The following ADAMTS16 variants were observed in gnomAD, a reference collection of about 807,000 sequenced individuals.
The protein encoded by ADAMTS16 is ADAM metallopeptidase with thrombospondin type 1 motif 16, also known as A disintegrin and metalloproteinase with thrombospondin motifs 16.
In ADAMTS16, 94 loss-of-function variants were observed where a neutral mutation model predicts 145.8. That is an observed-to-expected ratio of 0.64 (90% confidence interval 0.55 to 0.77). ADAMTS16 has a LOEUF of 0.77. ADAMTS16 is among the 30% of genes least tolerant of loss of function. ADAMTS16 has a pLI of 0.00. For synonymous variants in ADAMTS16, 659 were observed against 604.3 expected (o/e 1.09, Z -1.33); for missense variants, 1,585 against 1,591.5 (o/e 1.00, Z 0.07).
At chr5:5,178,841 A>G (rs942422772) in intron 3 of ADAMTS16, among the ~76,000 whole-genome samples, 6 of 152,068 alleles carry the variant, frequency 3.9e-5, no homozygotes, top group Non-Finnish European at 5.9e-5. Context: ...CGTGTAGGCC[A>G]GGAACCAGAA....
rs72647759 is a variant in ADAMTS16 at position 5,239,904 on chromosome 5, C to T, written c.2502C>T (p.Thr834=). The T allele has an allele frequency of 6.2e-7, 1 of 1,613,914 alleles. No individual in the cohort carries two copies. Among genetic ancestry groups the T allele is most frequent in the African/African-American group, 1.3e-5 (1 of 74,986 alleles). Residue 834 remains threonine (T), a synonymous_variant, in exon 16 of 23, where the codon ACC becomes ACT. Transcript: ENST00000274181. ...AGAACTTAATCGCTACTGGACCAAC[C>T]AACGAGACACTGATTGTGGAGGTAA... is the stretch of plus-strand genomic sequence containing the variant. ...EPENLIATGP[T]NETLIVELLF...
rs1258220921 is a variant in ADAMTS16 at position 5,320,126 on chromosome 5, G to A, written c.*988G>A. ...GAGTCTGGCCATTTCTATAATGCCA[G>A]GTGGGAAGCCAGGCTGCGGGTGTTA... On this transcript the variant is annotated 3_prime_UTR_variant, in exon 23 of 23. Coordinates refer to ENST00000274181, the MANE Select transcript of ADAMTS16 (RefSeq NM_139056.4). This position sits in a 1 kb window ranked among gnomAD's most constrained non-coding sequence, Gnocchi z 5.1. 6.3e-6 allele frequency: 2 copies of A among 318,668 alleles called. No homozygotes were observed. The highest frequency in any genetic ancestry group is 4.7e-5 in the African/African-American group (2 of 43,010). The allele number at this position is 318,668 out of a possible 1,614,324, so 19.7% of individuals were successfully genotyped here. A position where few individuals can be genotyped will look rare whatever the true frequency, so the allele number is the denominator to read the frequency against.
intron 10 of ADAMTS16, among the ~76,000 whole-genome samples, chr5:5,212,201 T>TTG (rs1553991178): frequency 1.8e-4 from 24 of 131,764 alleles, no homozygotes; most frequent in African/African-American, 6.0e-4. Flanking sequence ...TTTTTTTTGT[T>TTG]TTGTTTTGTT....
chr5:5,248,368 C>T lies in ADAMTS16; in HGVS notation c.2662+6177C>T, dbSNP rs73037166. Among the ~76,000 whole-genome samples, 1,108 of 152,312 alleles carry T rather than the reference C, an allele frequency of 7.3e-3. 14 individuals carry two copies. Among genetic ancestry groups the T allele is most frequent in the African/African-American group, 0.024 (1,012 of 41,570 alleles). The stretch of plus-strand genomic sequence containing the variant: ...GGTTTCTGAAAAAAGATGAAAGCAG[C>T]GCCCAAGCACATTGCTCATCAAACT... On this transcript the variant is annotated intron_variant, in intron 17 of 22. Transcript: ENST00000274181.
At chr5:5,187,998 G>T (rs370393357) in intron 6 of ADAMTS16, among the ~76,000 whole-genome samples, 190 bp downstream of exon 6, 26 of 152,206 alleles carry the variant, frequency 1.7e-4, no homozygotes, top group Admixed American at 3.9e-4. Flanking sequence ...TTTTTGTGGG[G>T]TTTTTTGTGC....
chr5:5,276,742 G>A (rs1236855529), intron 18 of ADAMTS16, among the ~76,000 whole-genome samples: 1 of 152,098 alleles, frequency 6.6e-6, no homozygotes, highest in Non-Finnish European at 1.5e-5. Context: ...GGTCAGCCAG[G>A]ACTGTTGAGC....
chr5:5,305,129 CCA>C (rs1436662804), intron 20 of ADAMTS16, among the ~76,000 whole-genome samples: 11 of 48,132 alleles, frequency 2.3e-4, no homozygotes, highest in East Asian at 8.5e-4. Flanking sequence ...ACACCCCACA[CCA>C]CACACACACA....
chr5:5,200,020 A>G (rs1054450772), intron 8 of ADAMTS16, 112 bp from the exon 9 acceptor site: 5 of 1,291,080 alleles, frequency 3.9e-6, no homozygotes, highest in Middle Eastern at 1.9e-4. Context: ...CCTGCCTAGC[A>G]TATAGGGGTG....
At chr5:5,272,110 C>T (rs750506409) in intron 18 of ADAMTS16, among the ~76,000 whole-genome samples, 4 of 152,124 alleles carry the variant, frequency 2.6e-5, no homozygotes, top group African/African-American at 4.8e-5. Flanking sequence ...CCCAGTAATG[C>T]ACCCGTTACC....
In ADAMTS16 at chr5:5,237,091, A is replaced by G; in HGVS notation, c.2146A>G (p.Ile716Val). 1.2e-6 allele frequency: 2 copies of G among 1,613,202 alleles called. No individual in the cohort carries two copies. Among genetic ancestry groups the G allele is most frequent in the Non-Finnish European group, 1.7e-6 (2 of 1,179,750 alleles). The change falls in exon 14 of 23, where the codon ATA (isoleucine) becomes GTA (valine). Residue 716 changes from isoleucine (I) to valine (V), a missense_variant. By Grantham distance (29) the Ile-to-Val change is conservative. Transcript: ENST00000274181. ...TAGCCGTAATGTTTGTATAGATGGG[A>G]TATGTGAGGTAATCATGATCCTTCA... ...EDSRNVCIDG[I>V]CERVGCDNVL...
chr5:5,217,972 G>C (rs1015638339), intron 10 of ADAMTS16, among the ~76,000 whole-genome samples: 2 of 152,156 alleles, frequency 1.3e-5, no homozygotes, highest in Non-Finnish European at 2.9e-5. Flanking sequence ...AGGTACTGTT[G>C]TTAAATTGGG....
intron 18 of ADAMTS16, among the ~76,000 whole-genome samples, chr5:5,267,804 G>T (rs1397102472): frequency 1.3e-5 from 2 of 152,158 alleles, no homozygotes; most frequent in African/African-American, 4.8e-5. Flanking sequence ...ATGGGCACAG[G>T]CCCGAGAGTG....
intron 4 of ADAMTS16, among the ~76,000 whole-genome samples, chr5:5,184,069 C>G (rs1203035506): frequency 1.3e-5 from 2 of 152,128 alleles, no homozygotes; most frequent in African/African-American, 4.8e-5. Flanking sequence ...CTCGAGTGGC[C>G]AGGGGCCATG....
intron 18 of ADAMTS16, among the ~76,000 whole-genome samples, chr5:5,296,246 A>G (rs1437609376): frequency 6.6e-6 from 1 of 152,188 alleles, no homozygotes; most frequent in Non-Finnish European, 1.5e-5. Context: ...TGCTGCAGAC[A>G]CAGTCTTCAA....
intron 18 of ADAMTS16, among the ~76,000 whole-genome samples, chr5:5,268,768 G>T (rs1380052794): frequency 6.6e-6 from 1 of 152,204 alleles, no homozygotes; most frequent in East Asian, 1.9e-4. Context: ...AGAGGCAGCT[G>T]CTCCTTCCTC....
intron 4 of ADAMTS16, 119 bp downstream of exon 4, chr5:5,182,424 G>A (rs754961684): frequency 3.0e-5 from 39 of 1,315,048 alleles, no homozygotes; most frequent in South Asian, 8.9e-5. Context: ...ATGGACTGTC[G>A]TTGCTAAACT....
chr5:5,216,374 AT>A (rs140020275), intron 10 of ADAMTS16, among the ~76,000 whole-genome samples: 3,134 of 147,024 alleles, frequency 0.021, 109 homozygotes, highest in African/African-American at 0.071. Flanking sequence ...TCCTTAGCCC[AT>A]TTTTTTTTTC....
chr5:5,317,618 G>A lies in ADAMTS16; in HGVS notation c.3412-516G>A, dbSNP rs913845037. On this transcript the variant is annotated intron_variant, in intron 21 of 22. Coordinates refer to ENST00000274181, the MANE Select transcript of ADAMTS16 (RefSeq NM_139056.4). This position sits in a 1 kb window ranked among gnomAD's most constrained non-coding sequence, Gnocchi z 4.5. Reference sequence around the variant, plus strand: ...TCATCATGTTGCCCAGGCTGATCTCGAACTCCTGACCTCAGGTGATCCACC... The same window carrying A: ...TCATCATGTTGCCCAGGCTGATCTCAAACTCCTGACCTCAGGTGATCCACC... Among the ~76,000 whole-genome samples, 2 of 151,776 alleles carry A rather than the reference G, an allele frequency of 1.3e-5. No individual in the cohort carries two copies. The highest frequency in any genetic ancestry group is 2.9e-5 in the Non-Finnish European group (2 of 67,978).
chr5:5,229,073 T>C (rs975827122), intron 11 of ADAMTS16, among the ~76,000 whole-genome samples: 13 of 149,892 alleles, frequency 8.7e-5, no homozygotes, highest in Admixed American at 5.3e-4. Context: ...CCGAGGCGGG[T>C]GGATCACGAG....
Sources: allele counts gnomAD v4.1 joint callset (sites outside exome capture counted in the v4.1 genomes callset), GRCh38; gene constraint gnomAD v4.1.1; non-coding constraint Gnocchi (gnomAD v3.1); transcripts MANE v1.5; gene names NCBI Gene and HGNC (gene_info 2026-07-23, HGNC 2026-07-21).